FAT2: variants seen among roughly 807,000 people sequenced by gnomAD.
FAT2 encodes protocadherin Fat 2.
Under a neutral mutation model 295.3 loss-of-function variants are expected in FAT2, and 150 were observed. That is an observed-to-expected ratio of 0.51 (90% CI 0.44 to 0.58). The LOEUF is 0.58. Among genes scored for constraint, FAT2 ranks in the 20% least tolerant of loss-of-function variants. The probability of loss-of-function intolerance (pLI) is 0.00; values close to 1 mark genes in which losing one functional copy is unlikely to be tolerated. For synonymous variants in FAT2, 2,026 were observed against 2,150.3 expected (o/e 0.94, Z 1.60); for missense variants, 4,868 against 5,442.7 (o/e 0.89, Z 3.32).
chr5:151,563,647 C>T lies in FAT2; in HGVS notation c.3260-8G>A, dbSNP rs1581444688. 6.2e-7 allele frequency: 1 copy of T among 1,607,858 alleles called. No individual in the cohort carries two copies. The highest frequency in any genetic ancestry group is 1.7e-5 in the Admixed American group (1 of 57,732). On this transcript the variant is annotated splice_region_variant and splice_polypyrimidine_tract_variant and intron_variant, in intron 2 of 23. Transcript: ENST00000261800. ...CCAGAGTCTGAATCATTCCTAGGGACAGTAAGTCAGCAAACCCAAAATACT... is the reference window on the plus strand; with the variant it reads ...CCAGAGTCTGAATCATTCCTAGGGATAGTAAGTCAGCAAACCCAAAATACT...
intron 1 of FAT2, among the ~76,000 whole-genome samples, chr5:151,587,462 G>T (rs2127664729): frequency 6.6e-6 from 1 of 152,218 alleles, no homozygotes; most frequent in East Asian, 1.9e-4. Flanking sequence ...CGGGGCCTTT[G>T]CATGTGTTAT....
rs755727813 is a variant in FAT2, at chr5:151,567,569, C to A, written c.1363G>T (p.Ala455Ser). The A allele has an allele frequency of 6.2e-7, 1 of 1,614,120 alleles. No individual in the cohort carries two copies. The highest frequency in any genetic ancestry group is 2.2e-5 in the East Asian group (1 of 44,880). Residue 455 changes from alanine to serine, a missense_variant, in exon 2 of 24, where the codon GCC becomes TCC. Around this residue, in one of 5 missense-constraint regions of FAT2, gnomAD observed 3,297 missense variants for 3,669.4 expected, o/e 0.90. Transcript: ENST00000261800. The part of the protein sequence containing the change: ...VIDIVDCNNH[A>S]PLFNRSSYDG... Reference sequence around the variant, plus strand: ...TAGGAAGACCTGTTGAAGAGGGGGGCATGGTTGTTGCAGTCCACAATGTCA... The same window carrying A: ...TAGGAAGACCTGTTGAAGAGGGGGGAATGGTTGTTGCAGTCCACAATGTCA...
At chr5:151,580,793 G>A (rs755889558) in intron 1 of FAT2, among the ~76,000 whole-genome samples, 1 of 152,138 alleles carries the variant, frequency 6.6e-6, no homozygotes, top group Non-Finnish European at 1.5e-5. Flanking sequence ...AAAATGTCCT[G>A]CACATTCTAT....
chr5:151,545,545 T>G lies in FAT2; in HGVS notation c.5582A>C (p.His1861Pro). 6.2e-7 allele frequency: 1 copy of G among 1,614,184 alleles called. No individual in the cohort carries two copies. ...FAPRPAQVII[H>P]VRDVNDSPPR... is the part of the protein sequence containing the mutation. ...AGGGGAATCATTCACATCTCTGACA[T>G]GAATGATGACTTGGGCAGGTCTGGG... Residue 1861 changes from histidine (H) to proline (P), a missense_variant, in exon 10 of 24, where the codon CAT (histidine) becomes CCT (proline). Physicochemically the swap from His to Pro is moderately conservative, Grantham distance 77 (BLOSUM62 -2). Coordinates refer to ENST00000261800, the MANE Select transcript of FAT2 (RefSeq NM_001447.3).
chr5:151,546,114 T>C lies in FAT2; in HGVS notation c.5013A>G (p.Glu1671=). 6.2e-7 allele frequency: 1 copy of C among 1,614,140 alleles called. No individual in the cohort carries two copies. The highest frequency in any genetic ancestry group is 2.2e-5 in the East Asian group (1 of 44,870). ...SKSEYFVEIP[E]SIPVGSPILL... ...GGATTGGGGAACCAACAGGGATTGA[T>C]TCAGGGATCTCTACAAAGTACTCAG... Residue 1671 remains glutamate (E), a synonymous_variant, in exon 10 of 24, where the codon GAA becomes GAG. Coordinates refer to ENST00000261800, the MANE Select transcript of FAT2 (RefSeq NM_001447.3).
intron 13 of FAT2, among the ~76,000 whole-genome samples, chr5:151,533,975 T>C (rs1754962286): frequency 6.6e-6 from 1 of 152,092 alleles, no homozygotes; most frequent in African/African-American, 2.4e-5. Context: ...TTGAAAAGGG[T>C]TCAACTTCAC....
At chr5:151,513,886 A>G (rs904520521) in intron 20 of FAT2, among the ~76,000 whole-genome samples, 4 of 152,222 alleles carry the variant, frequency 2.6e-5, no homozygotes, top group African/African-American at 9.6e-5. Context: ...GTTATAACCC[A>G]CATAACCAAA....
In FAT2 at chr5:151,527,325, A is replaced by T. The variant is rs768073392; in HGVS notation, c.10217T>A (p.Leu3406Gln). The change falls in exon 17 of 24, where the codon CTG becomes CAG. Residue 3406 changes from leucine to glutamine, a missense_variant. This residue lies in a region of FAT2 where 1,046 missense variants were observed against 1,210.1 expected (regional missense o/e 0.86). Transcript: ENST00000261800. ...LRATDSGQPP[L>Q]HEDTDIAIQV... Reference sequence around the variant, plus strand: ...GATAGCGATGTCTGTGTCCTCATGCAGTGGAGGCTGCCCACTGTCTGTGGC... The same window carrying T: ...GATAGCGATGTCTGTGTCCTCATGCTGTGGAGGCTGCCCACTGTCTGTGGC... 3.1e-6 allele frequency: 5 copies of T among 1,613,566 alleles called. No homozygotes were observed. The African/African-American group carries it at 6.7e-5, about 22-fold the overall frequency.
At chr5:151,594,680 G>A (rs1287220023), upstream of FAT2, among the ~76,000 whole-genome samples, 2 of 152,110 alleles carry the variant, frequency 1.3e-5, no homozygotes, top group Non-Finnish European at 2.9e-5. Context: ...TATGAACTGG[G>A]TGAGCTCTTT....
In FAT2 at chr5:151,533,437, C is replaced by CACAG. The variant is rs1358173894; in HGVS notation, c.9427+971_9427+972insCTGT. 2.4e-4 allele frequency among the ~76,000 whole-genome samples: 36 copies of CACAG among 150,502 alleles called. 1 individual carries two copies. The highest frequency in any genetic ancestry group is 8.9e-4 in the African/African-American group (36 of 40,454). ...ACACACACACACACACACACACACA[C>CACAG]GCTTTCCAGGTCCAGCCACCCTGCC... On this transcript the variant is annotated intron_variant, in intron 13 of 23. Coordinates refer to ENST00000261800, the MANE Select transcript of FAT2 (RefSeq NM_001447.3).
intron 4 of FAT2, among the ~76,000 whole-genome samples, chr5:151,555,706 G>T (rs1757634174): frequency 1.3e-5 from 2 of 152,160 alleles, no homozygotes; most frequent in South Asian, 2.1e-4. Flanking sequence ...AAAAGAATGT[G>T]CAGAGCCTGG....
At position 151,528,150 on chromosome 5, in the gene FAT2, G is replaced by T; in HGVS notation, c.10027-17C>A. 1.2e-6 allele frequency: 2 copies of T among 1,612,038 alleles called. No homozygotes were observed. The highest frequency in any genetic ancestry group is 1.7e-6 in the Non-Finnish European group (2 of 1,178,610). On this transcript the variant is annotated splice_polypyrimidine_tract_variant and intron_variant, in intron 15 of 23. Coordinates refer to ENST00000261800, the MANE Select transcript of FAT2 (RefSeq NM_001447.3). ...CGCTGATACCTGCGGTGGGGTAGGG[G>T]GATTGTGAATGGAGGGACAGGAATC...
At chr5:151,528,248 G>T in intron 15 of FAT2, 115 bp from the exon 16 acceptor site, 2 of 1,261,298 alleles carry the variant, frequency 1.6e-6, no homozygotes, top group Non-Finnish European at 2.2e-6. Context: ...AGCAGTGCCT[G>T]GATCACAGTT....
upstream of FAT2, among the ~76,000 whole-genome samples, chr5:151,593,754 A>C (rs1310108361): frequency 6.6e-6 from 1 of 152,132 alleles, no homozygotes; most frequent in Admixed American, 6.5e-5. Flanking sequence ...CTGTAATCCC[A>C]GCACTTTGAG....
rs552644237 is a variant in FAT2 at position 151,553,201 on chromosome 5, C to A, written c.4132G>T (p.Gly1378Ter). Residue 1378 changes from glycine (G) to a stop codon, truncating the protein, a stop_gained, in exon 6 of 24, where the codon GGA becomes TGA. Coordinates refer to ENST00000261800, the MANE Select transcript of FAT2 (RefSeq NM_001447.3). LOFTEE classifies it high-confidence loss of function. ...CCTGAGATGTTGAACCAGAAGAGTC[C>A]GGGTCTGCCCTCTACGCTGATGACC... is the stretch of plus-strand genomic sequence containing the variant. ...VGVISVEGRPGLFWFNISGGD... is the reference protein window; with the variant it reads ...VGVISVEGRP The A allele has an allele frequency of 1.2e-6, 2 of 1,614,212 alleles. No homozygotes were observed. Among genetic ancestry groups the A allele is most frequent in the Non-Finnish European group, 1.7e-6 (2 of 1,180,038 alleles).
chr5:151,548,722 C>T (rs986931346), intron 9 of FAT2, among the ~76,000 whole-genome samples: 4 of 152,164 alleles, frequency 2.6e-5, no homozygotes, highest in African/African-American at 9.7e-5. Context: ...CTCAGGTGAT[C>T]CGCCCGCCTC....
intron 1 of FAT2, among the ~76,000 whole-genome samples, chr5:151,571,217 A>G (rs1303044653): frequency 6.6e-6 from 1 of 151,192 alleles, no homozygotes; most frequent in African/African-American, 2.4e-5. Context: ...CACTCACCCT[A>G]CCCCTGACCC....
chr5:151,573,021 G>A (rs1428559556), intron 1 of FAT2, among the ~76,000 whole-genome samples: 2 of 152,208 alleles, frequency 1.3e-5, no homozygotes, highest in Non-Finnish European at 2.9e-5. Flanking sequence ...TAATTGTGTG[G>A]GTACATTAGT....
chr5:151,506,296 C>CT (rs769730162), intron 23 of FAT2, among the ~76,000 whole-genome samples, 199 bp from the exon 24 acceptor site: 1 of 152,220 alleles, frequency 6.6e-6, no homozygotes, highest in Non-Finnish European at 1.5e-5. Context: ...GAGGTTTGAC[C>CT]TAAGGCCAGC....
Sources: gnomAD v4.1 joint callset for allele counts (sites outside exome capture counted in the v4.1 genomes callset) on GRCh38, gnomAD v4.1.1 for gene constraint, gnomAD v4.1.1 regional missense constraint, MANE v1.5 for transcripts, NCBI Gene and HGNC (gene_info 2026-07-23, HGNC 2026-07-21) for gene names.